The following SGCZ variants were observed in gnomAD, a reference collection of about 807,000 sequenced individuals.
SGCZ encodes zeta-sarcoglycan.
SGCZ carries 40 observed loss-of-function variants against 41.3 expected under a neutral mutation model. That is an observed-to-expected ratio of 0.97 (90% CI 0.75 to 1.26). The LOEUF (loss-of-function observed/expected upper bound fraction) is 1.26, where lower values mean the gene tolerates loss of function less well. Ranked by LOEUF, SGCZ falls within the 50% of genes most tolerant of loss-of-function variation. The pLI, the probability that SGCZ is intolerant of heterozygous loss-of-function variation, is 0.00. For missense variants in SGCZ, 552 were observed against 369.8 expected (o/e 1.49, Z -4.04); for synonymous variants, 206 against 137.5 (o/e 1.50, Z -3.49).
chr8:14,756,512 C>A (rs909142163), intron 1 of SGCZ, among the ~76,000 whole-genome samples: 2 of 152,068 alleles, frequency 1.3e-5, no homozygotes, highest in South Asian at 4.1e-4. Context: ...TTTCTTGTTC[C>A]CTTTTCCCAC....
chr8:14,618,159 A>T (rs575341155), intron 1 of SGCZ, among the ~76,000 whole-genome samples: 4 of 152,294 alleles, frequency 2.6e-5, no homozygotes, highest in Non-Finnish European at 5.9e-5. Flanking sequence ...ACAATAAAAT[A>T]ACCAAAAATA....
intron 6 of SGCZ, among the ~76,000 whole-genome samples, chr8:14,102,976 T>C (rs1035716569): frequency 2.0e-5 from 3 of 152,124 alleles, no homozygotes; most frequent in Non-Finnish European, 4.4e-5. Flanking sequence ...TTAATGAAAA[T>C]TGTTAATATT....
chr8:14,590,398 G>C (rs751952218), intron 1 of SGCZ, among the ~76,000 whole-genome samples: 7 of 151,670 alleles, frequency 4.6e-5, no homozygotes, highest in Non-Finnish European at 8.9e-5. Context: ...CATTTTAATT[G>C]GTCAAGAAAT....
intron 3 of SGCZ, among the ~76,000 whole-genome samples, chr8:14,248,766 C>T (rs1453575639): frequency 2.7e-5 from 4 of 147,676 alleles, no homozygotes; most frequent in African/African-American, 7.5e-5. Context: ...TTTTTTTTCT[C>T]CTAAAATCTG....
chr8:14,853,357 C>T, intron 1 of SGCZ: 1 of 459,798 alleles, frequency 2.2e-6, no homozygotes, highest in South Asian at 1.6e-5. Flanking sequence ...GCTGGCCACT[C>T]CAGTCCACCA....
At chr8:15,036,203 G>T (rs117893328) in intron 1 of SGCZ, among the ~76,000 whole-genome samples, 6,165 of 152,018 alleles carry the variant, frequency 0.041, 151 homozygotes, top group Non-Finnish European at 0.056. Flanking sequence ...ATTAAACTAG[G>T]ATACATAAAC....
intron 1 of SGCZ, among the ~76,000 whole-genome samples, chr8:14,892,433 G>T (rs1216615633): frequency 6.6e-6 from 1 of 152,124 alleles, no homozygotes; most frequent in Admixed American, 6.6e-5. Flanking sequence ...CTGTGATAAA[G>T]GAACTCTGTA....
intron 2 of SGCZ, among the ~76,000 whole-genome samples, chr8:14,402,321 T>G (rs1799100636): frequency 6.6e-6 from 1 of 151,616 alleles, no homozygotes; most frequent in Non-Finnish European, 1.5e-5. Flanking sequence ...TTTTGTCTTT[T>G]GTTGCCATTG....
intron 2 of SGCZ, among the ~76,000 whole-genome samples, chr8:14,494,138 C>T (rs964094246): frequency 6.6e-6 from 1 of 152,108 alleles, no homozygotes; most frequent in African/African-American, 2.4e-5. Context: ...CTCACTGTTT[C>T]TATGAAAAAA....
chr8:14,129,758 ATAGT>A (rs148236742), intron 5 of SGCZ, among the ~76,000 whole-genome samples: 44,953 of 151,570 alleles, frequency 0.3, 7,953 homozygotes, highest in African/African-American at 0.49. Context: ...TAATATAATA[ATAGT>A]TAGGAATAAA....
At chr8:15,033,504 A>AC (rs1228118098) in intron 1 of SGCZ, among the ~76,000 whole-genome samples, 1 of 151,364 alleles carries the variant, frequency 6.6e-6, no homozygotes, top group East Asian at 1.9e-4. Flanking sequence ...TACCTGTGTG[A>AC]CCCCCCTGGA....
intron 1 of SGCZ, among the ~76,000 whole-genome samples, chr8:14,631,679 A>G (rs1216367031): frequency 8.5e-5 from 13 of 152,100 alleles, no homozygotes; most frequent in Non-Finnish European, 1.5e-5. Flanking sequence ...AAAACGTAAC[A>G]CTGACATTGA....
chr8:14,465,157 G>C (rs995959445), intron 2 of SGCZ, among the ~76,000 whole-genome samples: 1 of 151,618 alleles, frequency 6.6e-6, no homozygotes, highest in South Asian at 2.1e-4. Context: ...ATTATTGAAA[G>C]TAGAGTACTG....
At chr8:14,326,643 G>A (rs910287508) in intron 2 of SGCZ, among the ~76,000 whole-genome samples, 2 of 151,978 alleles carry the variant, frequency 1.3e-5, no homozygotes, top group South Asian at 4.1e-4. Context: ...ATGCCTTACA[G>A]GAAACCAACC....
intron 1 of SGCZ, among the ~76,000 whole-genome samples, chr8:14,894,650 T>A (rs1805128897): frequency 1.3e-5 from 2 of 152,124 alleles, no homozygotes; most frequent in South Asian, 4.1e-4. Context: ...ATCTTTTAAA[T>A]TTTCAGATGA....
chr8:14,552,364 G>C (rs940215040), intron 2 of SGCZ, among the ~76,000 whole-genome samples: 14 of 152,014 alleles, frequency 9.2e-5, no homozygotes, highest in African/African-American at 3.4e-4. Context: ...CTTACAAAGA[G>C]TGTGTCACCT....
chr8:15,036,917 G>T (rs931308045), intron 1 of SGCZ, among the ~76,000 whole-genome samples: 3 of 151,876 alleles, frequency 2.0e-5, no homozygotes, highest in Non-Finnish European at 4.4e-5. Flanking sequence ...GTTTATCCGA[G>T]GAATAAAAGA....
At chr8:14,582,159 A>G (rs1339991198) in intron 1 of SGCZ, among the ~76,000 whole-genome samples, 1 of 152,286 alleles carries the variant, frequency 6.6e-6, no homozygotes, top group Admixed American at 6.5e-5. Flanking sequence ...ATTATGTAAG[A>G]ATATATTATA....
rs571556580 is a variant in SGCZ at position 14,834,796 on chromosome 8, A to T, written c.40-279870T>A. ...CTTGATAAGGTGGAAAGAGCACAGAACTTTGTGATCAAGGGACTCGGATAC... is the reference window on the plus strand; with the variant it reads ...CTTGATAAGGTGGAAAGAGCACAGATCTTTGTGATCAAGGGACTCGGATAC... On this transcript the variant is annotated intron_variant, in intron 1 of 7. Transcript: ENST00000382080. Among the ~76,000 whole-genome samples the T allele has an allele frequency of 2.6e-5, 4 of 152,274 alleles. No individual in the cohort carries two copies. In the East Asian group the frequency reaches 7.7e-4, roughly 29 times the overall value.
Sources: gnomAD v4.1 joint callset for allele counts (sites outside exome capture counted in the v4.1 genomes callset) on GRCh38, gnomAD v4.1.1 for gene constraint, MANE v1.5 for transcripts, NCBI Gene and HGNC (gene_info 2026-07-23, HGNC 2026-07-21) for gene names.